Variants in SAMD4A observed in about 807,000 individuals in gnomAD.
The protein encoded by SAMD4A is protein Smaug homolog 1.
Under a neutral mutation model 81.3 loss-of-function variants are expected in SAMD4A, and 33 were observed. That is an observed-to-expected ratio of 0.41 (90% confidence interval 0.31 to 0.54). The LOEUF (loss-of-function observed/expected upper bound fraction) is 0.54. Ranked by LOEUF, SAMD4A falls within the 20% of genes least tolerant of loss-of-function variation. The pLI is 0.37. For synonymous variants in SAMD4A, 389 were observed against 382.1 expected (o/e 1.02, Z -0.21); for missense variants, 854 against 951.1 (o/e 0.90, Z 1.34).
intron 2 of SAMD4A, among the ~76,000 whole-genome samples, chr14:54,687,109 C>T (rs2036292889): frequency 6.6e-6 from 1 of 152,188 alleles, no homozygotes; most frequent in Non-Finnish European, 1.5e-5. Flanking sequence ...AGGCTCTACC[C>T]ATTTTAGACC....
At chr14:54,571,810 A>G (rs1054838127) in intron 2 of SAMD4A, among the ~76,000 whole-genome samples, 1 of 152,166 alleles carries the variant, frequency 6.6e-6, no homozygotes, top group African/African-American at 2.4e-5. Context: ...TATTGGAGGT[A>G]ACATATTTAG....
chr14:54,663,428 T>A (rs1482936022), intron 2 of SAMD4A, among the ~76,000 whole-genome samples: 1 of 152,174 alleles, frequency 6.6e-6, no homozygotes, highest in African/African-American at 2.4e-5. Flanking sequence ...GGATTAAAGT[T>A]TTTTAGTCAA....
chr14:54,645,415 A>G (rs944767620), intron 2 of SAMD4A, among the ~76,000 whole-genome samples: 8 of 152,238 alleles, frequency 5.3e-5, no homozygotes, highest in African/African-American at 1.2e-4. Flanking sequence ...AGCCATATAT[A>G]ACTATGCAAT....
chr14:54,631,884 C>T (rs1275704221), intron 2 of SAMD4A, among the ~76,000 whole-genome samples: 3 of 152,154 alleles, frequency 2.0e-5, no homozygotes, highest in African/African-American at 7.2e-5. Context: ...AATTTTTGTG[C>T]ATTTTTGGTA....
At chr14:54,712,973 G>A (rs960346790) in intron 3 of SAMD4A, among the ~76,000 whole-genome samples, 1 of 152,182 alleles carries the variant, frequency 6.6e-6, no homozygotes, top group African/African-American at 2.4e-5. Flanking sequence ...GAGATGAACA[G>A]GATGGCTTCT....
chr14:54,710,732 C>T (rs971953751), intron 3 of SAMD4A, among the ~76,000 whole-genome samples: 8 of 149,962 alleles, frequency 5.3e-5, no homozygotes, highest in East Asian at 4.0e-4. Context: ...GTCTTTGCAC[C>T]GATCCACACA....
chr14:54,575,308 C>A (rs113904254), intron 2 of SAMD4A, among the ~76,000 whole-genome samples: 60 of 152,308 alleles, frequency 3.9e-4, no homozygotes, highest in African/African-American at 1.3e-3. Flanking sequence ...CAACCCCTAT[C>A]AAATGGCAGT....
intron 6 of SAMD4A, among the ~76,000 whole-genome samples, chr14:54,759,589 G>A (rs1025533433): frequency 1.3e-5 from 2 of 152,194 alleles, no homozygotes; most frequent in Admixed American, 6.5e-5. Flanking sequence ...GCCACGATAT[G>A]CTCATTTTGT....
At chr14:54,624,120 G>T (rs576047097) in intron 2 of SAMD4A, among the ~76,000 whole-genome samples, 10 of 152,090 alleles carry the variant, frequency 6.6e-5, no homozygotes, top group Non-Finnish European at 1.3e-4. Flanking sequence ...GAGCACAGGC[G>T]CCTGCCACCG....
intron 3 of SAMD4A, among the ~76,000 whole-genome samples, chr14:54,719,048 G>A (rs1253235298): frequency 6.6e-6 from 1 of 151,900 alleles, no homozygotes; most frequent in Non-Finnish European, 1.5e-5. Context: ...GGGAAAGAAG[G>A]GTTCAAAGGA....
intron 2 of SAMD4A, among the ~76,000 whole-genome samples, chr14:54,659,601 G>A (rs1174438285): frequency 6.6e-6 from 1 of 152,128 alleles, no homozygotes; most frequent in Non-Finnish European, 1.5e-5. Context: ...TATTTACTGT[G>A]GTTATTCTAC....
chr14:54,605,302 A>G (rs1251519002), intron 2 of SAMD4A, among the ~76,000 whole-genome samples: 1 of 152,028 alleles, frequency 6.6e-6, no homozygotes, highest in Non-Finnish European at 1.5e-5. Flanking sequence ...TAATTAATGG[A>G]AACTATCTTT....
chr14:54,666,207 A>AG, intron 2 of SAMD4A, among the ~76,000 whole-genome samples: 1 of 152,316 alleles, frequency 6.6e-6, no homozygotes, highest in African/African-American at 2.4e-5. Flanking sequence ...GGGCCCCAAG[A>AG]TCAGTGGAAG....
intron 2 of SAMD4A, among the ~76,000 whole-genome samples, chr14:54,690,937 C>T (rs143853674): frequency 2.6e-4 from 40 of 152,278 alleles, no homozygotes; most frequent in African/African-American, 9.1e-4. Flanking sequence ...ATAGGGGCCC[C>T]TTGCTGCCTT....
At chr14:54,761,061 G>A (rs1002704932) in intron 7 of SAMD4A, among the ~76,000 whole-genome samples, 3 of 152,196 alleles carry the variant, frequency 2.0e-5, no homozygotes, top group African/African-American at 7.2e-5. Context: ...TCATTCTCCC[G>A]TGTCTGCGTT....
At chr14:54,606,257 A>G (rs1003990992) in intron 2 of SAMD4A, among the ~76,000 whole-genome samples, 1 of 151,366 alleles carries the variant, frequency 6.6e-6, no homozygotes, top group Non-Finnish European at 1.5e-5. Flanking sequence ...CTGCAATGCT[A>G]CTTCCTTGCC....
chr14:54,591,021 C>T (rs1288093942), intron 2 of SAMD4A, among the ~76,000 whole-genome samples: 5 of 152,282 alleles, frequency 3.3e-5, no homozygotes, highest in Non-Finnish European at 4.4e-5. Context: ...TCACTCAAGC[C>T]TTCCAAGATC....
chr14:54,692,802 T>G (rs1194379195), intron 2 of SAMD4A: 1 of 151,938 alleles, frequency 6.6e-6, no homozygotes, highest in Non-Finnish European at 1.5e-5. Context: ...TGAGGTAACA[T>G]TTTTTTCATC....
chr14:54,752,875 A>T (rs1963714), intron 6 of SAMD4A, among the ~76,000 whole-genome samples: 3 of 152,118 alleles, frequency 2.0e-5, no homozygotes, highest in Admixed American at 2.0e-4. Context: ...TAGAATCTAC[A>T]TCATAATTAA....
Sources: gnomAD v4.1 joint callset for allele counts (sites outside exome capture counted in the v4.1 genomes callset) on GRCh38, gnomAD v4.1.1 for gene constraint, MANE v1.5 for transcripts, NCBI Gene and HGNC (gene_info 2026-07-23, HGNC 2026-07-21) for gene names.